The following TEC variants were observed in gnomAD, a reference collection of about 807,000 sequenced individuals.
TEC encodes the protein tec protein tyrosine kinase.
A neutral mutation model predicts 93.0 loss-of-function variants in TEC; 72 were observed. The ratio of observed to expected loss-of-function variants is 0.77; its 90% CI spans 0.64 to 0.94. The LOEUF is 0.94. TEC is among the 40% of genes least tolerant of loss of function. The pLI, the probability that TEC is intolerant of heterozygous loss-of-function variation, is 0.00. For missense variants in TEC, 630 were observed against 757.9 expected, an observed-to-expected ratio of 0.83 and a Z score of 1.98; for synonymous variants, 249 against 247.7, an observed-to-expected ratio of 1.01 and a Z score of -0.05.
chr4:48,261,679 T>A (rs1015824846), intron 1 of TEC, among the ~76,000 whole-genome samples: 1 of 152,164 alleles, frequency 6.6e-6, no homozygotes, highest in African/African-American at 2.4e-5. Context: ...AGGAGTAGGA[T>A]ACTTGACAGG....
At position 48,225,435 on chromosome 4, in the gene TEC, C is replaced by T. The variant is rs573775290; in HGVS notation, c.138+3042G>A. On this transcript the variant is annotated intron_variant, in intron 2 of 17. Coordinates refer to ENST00000381501, the MANE Select transcript of TEC (RefSeq NM_003215.3). Reference sequence around the variant, plus strand: ...CAAGTGATCCACCCACCTCAGCTTCCGAAAGTGCTAGGATTACAGGCATGA... The same window carrying T: ...CAAGTGATCCACCCACCTCAGCTTCTGAAAGTGCTAGGATTACAGGCATGA... Among the ~76,000 whole-genome samples, 15 of 152,274 alleles carry T rather than the reference C, an allele frequency of 9.9e-5. No individual in the cohort carries two copies. In the East Asian group the frequency reaches 2.7e-3, roughly 27 times the overall value.
chr4:48,180,089 A>G (rs895741620), intron 2 of TEC, among the ~76,000 whole-genome samples: 4 of 152,116 alleles, frequency 2.6e-5, no homozygotes, highest in Admixed American at 1.3e-4. Flanking sequence ...ATGTCCCCTA[A>G]ATTCATACTC....
At chr4:48,202,779 C>T (rs1577632700) in intron 2 of TEC, among the ~76,000 whole-genome samples, 1 of 152,170 alleles carries the variant, frequency 6.6e-6, no homozygotes, top group Admixed American at 6.5e-5. Context: ...TGCTCACTTG[C>T]CCAGCATCAT....
At chr4:48,141,202 A>G (rs916946282) in intron 15 of TEC, among the ~76,000 whole-genome samples, 153 bp downstream of exon 15, 10 of 152,188 alleles carry the variant, frequency 6.6e-5, no homozygotes, top group Admixed American at 1.3e-4. Context: ...CCTAGTGGAG[A>G]GAATTACTAC....
intron 9 of TEC, chr4:48,155,928 G>A (rs1423248712): frequency 6.6e-6 from 1 of 152,208 alleles, no homozygotes; most frequent in African/African-American, 2.4e-5. Flanking sequence ...TACAGCAATT[G>A]AGTAAAGTAT....
intron 1 of TEC, among the ~76,000 whole-genome samples, chr4:48,245,751 C>T (rs1157913265): frequency 6.6e-6 from 1 of 151,954 alleles, no homozygotes; most frequent in Non-Finnish European, 1.5e-5. Flanking sequence ...AATCTAGTAT[C>T]CTCATTCCCC....
chr4:48,199,451 CTTTCTTTTTTTTTTTT>C (rs1189148520), intron 2 of TEC, among the ~76,000 whole-genome samples: 22 of 74,282 alleles, frequency 3.0e-4, no homozygotes, highest in Non-Finnish European at 5.1e-4. Flanking sequence ...AAAGGATTTT[CTTTCTTTTTTTTTTTT>C]TTTTTTTTTT....
intron 8 of TEC, among the ~76,000 whole-genome samples, chr4:48,158,498 A>C (rs547529677): frequency 2.4e-4 from 37 of 152,348 alleles, no homozygotes; most frequent in Non-Finnish European, 4.7e-4. Flanking sequence ...TTTTCCACTG[A>C]TATAAGAAAC....
At chr4:48,204,097 A>C (rs1020746838) in intron 2 of TEC, among the ~76,000 whole-genome samples, 1 of 152,218 alleles carries the variant, frequency 6.6e-6, no homozygotes, top group Non-Finnish European at 1.5e-5. Flanking sequence ...TGCTATTCTT[A>C]GCCAGGCTTA....
chr4:48,158,378 G>A (rs769646990), intron 8 of TEC, among the ~76,000 whole-genome samples: 8 of 152,250 alleles, frequency 5.3e-5, no homozygotes, highest in South Asian at 2.1e-4. Context: ...CATGGATCCC[G>A]CTTTATAAAA....
At position 48,182,144 on chromosome 4, in the gene TEC, G is replaced by T. The variant is rs144252812; in HGVS notation, c.139-5958C>A. The stretch of plus-strand genomic sequence containing the variant: ...CTAAAGATACAAAAAAATTACCCAG[G>T]CTTGGTGGCAAATACCTGTAATCCC... On this transcript the variant is annotated intron_variant, in intron 2 of 17. Transcript: ENST00000381501. Among the ~76,000 whole-genome samples, 719 of 152,094 alleles carry T rather than the reference G, an allele frequency of 4.7e-3. 2 individuals carry two copies. The highest frequency in any genetic ancestry group is 5.8e-3 in the Non-Finnish European group (397 of 68,000).
At chr4:48,183,246 C>A (rs1374849094) in intron 2 of TEC, among the ~76,000 whole-genome samples, 1 of 152,224 alleles carries the variant, frequency 6.6e-6, no homozygotes, top group Middle Eastern at 3.2e-3. Flanking sequence ...GACAATGCTG[C>A]TCTCTTTGCC....
intron 3 of TEC, among the ~76,000 whole-genome samples, chr4:48,173,756 A>C (rs1721209757): frequency 6.6e-6 from 1 of 152,236 alleles, no homozygotes; most frequent in African/African-American, 2.4e-5. Flanking sequence ...CAGCACAGAC[A>C]AAAGGTAGAC....
At position 48,251,503 on chromosome 4, in the gene TEC, T is replaced by G. The variant is rs543192623; in HGVS notation, c.-46+18249A>C. Among the ~76,000 whole-genome samples the G allele has an allele frequency of 4.6e-3, 706 of 152,348 alleles. 6 individuals carry two copies. The highest frequency in any genetic ancestry group is 0.015 in the African/African-American group (640 of 41,576). On this transcript the variant is annotated intron_variant, in intron 1 of 17. Transcript: ENST00000381501. ...ATGGTACTTATCTCTGTGTGACACT[T>G]TTCTTGATTATGTGTTGTTTTTCTT... is the stretch of plus-strand genomic sequence containing the variant.
In TEC at chr4:48,179,370, ATATATATTTT is replaced by A. The variant is rs1166922020; in HGVS notation, c.139-3194_139-3185del. 8.6e-4 allele frequency among the ~76,000 whole-genome samples: 29 copies of A among 33,658 alleles called. No individual in the cohort carries two copies. The East Asian group carries it at 0.02, about 23-fold the overall frequency. The allele number at this position is 33,658 out of a possible 152,430, so 22.1% of individuals were successfully genotyped here. A position where few individuals can be genotyped will look rare whatever the true frequency, so the allele number is the denominator to read the frequency against. On this transcript the variant is annotated intron_variant, in intron 2 of 17. Coordinates refer to ENST00000381501, the MANE Select transcript of TEC (RefSeq NM_003215.3). ...TATATATATATATATATATATATATATATATATTTTTTTTTTTTTTTTTTTTTTTTCAAGA... is the reference window on the plus strand; with the variant it reads ...TATATATATATATATATATATATATATTTTTTTTTTTTTTTTTTTTCAAGA...
At chr4:48,169,505 T>C (rs1721014511) in intron 5 of TEC, among the ~76,000 whole-genome samples, 1 of 152,108 alleles carries the variant, frequency 6.6e-6, no homozygotes, top group African/African-American at 2.4e-5. Flanking sequence ...CTAGATGGAC[T>C]GAGAAGGTCA....
intron 1 of TEC, among the ~76,000 whole-genome samples, chr4:48,239,935 T>C (rs1723881839): frequency 6.6e-6 from 1 of 151,946 alleles, no homozygotes; most frequent in African/African-American, 2.4e-5. Context: ...ATATGAGGAT[T>C]TGATGATATT....
intron 9 of TEC, chr4:48,155,859 G>C (rs959546672): frequency 6.6e-6 from 1 of 152,158 alleles, no homozygotes; most frequent in Non-Finnish European, 1.5e-5. Flanking sequence ...GCAGAAGACT[G>C]CTACTCTGAA....
chr4:48,227,957 T>C (rs1317737172), intron 2 of TEC, among the ~76,000 whole-genome samples: 1 of 152,170 alleles, frequency 6.6e-6, no homozygotes, highest in East Asian at 1.9e-4. Flanking sequence ...CCAGGTTTTT[T>C]AGTGAGCTGC....
Sources: gnomAD v4.1 joint callset for allele counts (sites outside exome capture counted in the v4.1 genomes callset) on GRCh38, gnomAD v4.1.1 for gene constraint, MANE v1.5 for transcripts, NCBI Gene and HGNC (gene_info 2026-07-23, HGNC 2026-07-21) for gene names.